Variants in KCNH8 observed in about 807,000 individuals in gnomAD.
The protein encoded by KCNH8 is voltage-gated delayed rectifier potassium channel KCNH8.
KCNH8 carries 70 observed loss-of-function variants against 103.6 expected under a neutral mutation model. The observed-to-expected ratio is 0.68, with a 90% confidence interval of 0.56 to 0.82. The LOEUF is 0.82. Among genes scored for constraint, KCNH8 ranks in the 40% least tolerant of loss-of-function variants. KCNH8 has a pLI of 0.00. For synonymous variants in KCNH8, 498 were observed against 489.4 expected, an observed-to-expected ratio of 1.02 and a Z score of -0.23; for missense variants, 1,217 against 1,329.9, an observed-to-expected ratio of 0.92 and a Z score of 1.32.
intron 3 of KCNH8, among the ~76,000 whole-genome samples, chr3:19,322,621 A>C (rs2065364914): frequency 6.6e-6 from 1 of 152,204 alleles, no homozygotes; most frequent in South Asian, 2.1e-4. Context: ...CACAGCTCTT[A>C]AGATTCTTTC....
At chr3:19,487,776 A>G (rs2068240697) in intron 11 of KCNH8, among the ~76,000 whole-genome samples, 1 of 152,164 alleles carries the variant, frequency 6.6e-6, no homozygotes, top group Non-Finnish European at 1.5e-5. Flanking sequence ...CTTGTAAAGG[A>G]GATGGTGGCT....
intron 7 of KCNH8, among the ~76,000 whole-genome samples, chr3:19,414,420 G>A (rs1481750145): frequency 6.6e-6 from 1 of 151,502 alleles, no homozygotes; most frequent in Non-Finnish European, 1.5e-5. Context: ...TGAAAAAAAG[G>A]AAATATCAAG....
chr3:19,415,218 C>T (rs899609336), intron 7 of KCNH8, among the ~76,000 whole-genome samples: 2 of 151,838 alleles, frequency 1.3e-5, no homozygotes, highest in Non-Finnish European at 2.9e-5. Context: ...GTTCTAGGTA[C>T]CTACATGGGT....
chr3:19,225,571 T>C (rs1447763578), intron 1 of KCNH8, among the ~76,000 whole-genome samples: 1 of 152,138 alleles, frequency 6.6e-6, no homozygotes, highest in African/African-American at 2.4e-5. Flanking sequence ...ATGAATGTGG[T>C]ATGTATGCTA....
At chr3:19,442,295 T>A (rs758804999) in intron 8 of KCNH8, among the ~76,000 whole-genome samples, 1 of 152,150 alleles carries the variant, frequency 6.6e-6, no homozygotes, top group Non-Finnish European at 1.5e-5. Context: ...ATAAACACAG[T>A]CTATACTTAT....
chr3:19,204,148 C>T (rs2063689896), intron 1 of KCNH8, among the ~76,000 whole-genome samples: 1 of 151,986 alleles, frequency 6.6e-6, no homozygotes, highest in Non-Finnish European at 1.5e-5. Flanking sequence ...AATCACATGG[C>T]CTCCCTGCTC....
intron 7 of KCNH8, among the ~76,000 whole-genome samples, chr3:19,414,916 AATT>A (rs2066839717): frequency 6.6e-6 from 1 of 151,992 alleles, no homozygotes; most frequent in Admixed American, 6.6e-5. Flanking sequence ...ACCTGCCAGA[AATT>A]ATTGTCTTAA....
chr3:19,338,081 C>T (rs2065609599), intron 3 of KCNH8, among the ~76,000 whole-genome samples: 1 of 151,734 alleles, frequency 6.6e-6, no homozygotes, highest in African/African-American at 2.4e-5. Flanking sequence ...ATAATTTAGG[C>T]TTTTTTATTT....
At chr3:19,172,101 A>G (rs564126859) in intron 1 of KCNH8, among the ~76,000 whole-genome samples, 1 of 152,228 alleles carries the variant, frequency 6.6e-6, no homozygotes, top group Non-Finnish European at 1.5e-5. Flanking sequence ...GTTACTTCAC[A>G]GTAATGGGAA....
At chr3:19,174,203 T>G (rs1326458744) in intron 1 of KCNH8, among the ~76,000 whole-genome samples, 1 of 152,132 alleles carries the variant, frequency 6.6e-6, no homozygotes, top group Non-Finnish European at 1.5e-5. Flanking sequence ...AGAAATGGAT[T>G]TCTTCCCTTT....
chr3:19,423,999 A>G (rs895594848), intron 7 of KCNH8, among the ~76,000 whole-genome samples: 2 of 152,054 alleles, frequency 1.3e-5, no homozygotes, highest in Non-Finnish European at 2.9e-5. Context: ...GTGGTATCTC[A>G]TTATAAAATC....
At chr3:19,258,962 T>TAC (rs2064389686) in intron 2 of KCNH8, among the ~76,000 whole-genome samples, 1 of 134,470 alleles carries the variant, frequency 7.4e-6, no homozygotes, top group South Asian at 2.3e-4. Context: ...TATATATATA[T>TAC]ATATATATAT....
At chr3:19,368,171 TG>T (rs1436095011) in intron 5 of KCNH8, among the ~76,000 whole-genome samples, 2 of 152,026 alleles carry the variant, frequency 1.3e-5, no homozygotes, top group Non-Finnish European at 2.9e-5. Context: ...TGCCATGCTT[TG>T]GGTTATGAAA....
chr3:19,446,836 GGAAAGA>G (rs529491507), intron 8 of KCNH8, among the ~76,000 whole-genome samples: 235 of 151,860 alleles, frequency 1.5e-3, no homozygotes, highest in African/African-American at 4.5e-3. Context: ...AAAGACAAAG[GGAAAGA>G]GAAAGAGAAA....
chr3:19,515,588 C>G (rs534032881), intron 14 of KCNH8, among the ~76,000 whole-genome samples, 160 bp downstream of exon 14: 2 of 151,736 alleles, frequency 1.3e-5, no homozygotes, highest in South Asian at 4.2e-4. Context: ...TGAGTTTATG[C>G]CATTTCCAAG....
At chr3:19,300,258 A>T (rs988595422) in intron 3 of KCNH8, among the ~76,000 whole-genome samples, 1 of 150,888 alleles carries the variant, frequency 6.6e-6, no homozygotes, top group Non-Finnish European at 1.5e-5. Flanking sequence ...ATAAAAAAAA[A>T]AAAGAAAGAA....
In KCNH8 at chr3:19,534,857, A is replaced by G. The variant is rs2069240424; in HGVS notation, c.*758A>G. The G allele has an allele frequency of 6.6e-6, 1 of 152,260 alleles. No homozygotes were observed. The highest frequency in any genetic ancestry group is 6.5e-5 in the Admixed American group (1 of 15,280). 9.4% of individuals were successfully genotyped at this position (152,260 alleles called of 1,614,324 possible). On this transcript the variant is annotated 3_prime_UTR_variant, in exon 16 of 16. Transcript: ENST00000328405. ...TTATTACTAAGAGGATGTAGTTTCCAAAGGAATCCCCCATTTTTTCTGCAT... is the reference window on the plus strand; with the variant it reads ...TTATTACTAAGAGGATGTAGTTTCCGAAGGAATCCCCCATTTTTTCTGCAT...
At chr3:19,484,338 TTTC>T (rs1285266463) in intron 11 of KCNH8, among the ~76,000 whole-genome samples, 1 of 152,230 alleles carries the variant, frequency 6.6e-6, no homozygotes, top group Non-Finnish European at 1.5e-5. Flanking sequence ...ATTGTTTTAC[TTTC>T]TTGTCTTACC....
chr3:19,364,352 G>A lies in KCNH8; in HGVS notation c.811+16387G>A, dbSNP rs779121166. On this transcript the variant is annotated intron_variant, in intron 5 of 15. Coordinates refer to ENST00000328405, the MANE Select transcript of KCNH8 (RefSeq NM_144633.3). Reference sequence around the variant, plus strand: ...TCTCTCACTAACAATGACTCAATACGGCATTCATGGCTCGGATTTGACCTT... The same window carrying A: ...TCTCTCACTAACAATGACTCAATACAGCATTCATGGCTCGGATTTGACCTT... Among the ~76,000 whole-genome samples, 145 of 152,004 alleles carry A rather than the reference G, an allele frequency of 9.5e-4. 4 individuals carry two copies. Among genetic ancestry groups the A allele is most frequent in the Non-Finnish European group, 9.6e-4 (65 of 67,998 alleles).
Sources: gnomAD v4.1 joint callset for allele counts (sites outside exome capture counted in the v4.1 genomes callset) on GRCh38, gnomAD v4.1.1 for gene constraint, MANE v1.5 for transcripts, NCBI Gene and HGNC (gene_info 2026-07-23, HGNC 2026-07-21) for gene names.